Variants in ATF6 observed in about 807,000 individuals in gnomAD.
The protein encoded by ATF6 is cyclic AMP-dependent transcription factor ATF-6 alpha.
ATF6 carries 53 observed loss-of-function variants against 83.6 expected under a neutral mutation model. The observed-to-expected ratio is 0.63, with a 90% CI of 0.51 to 0.80. The LOEUF is 0.80. Among genes scored for constraint, ATF6 ranks in the 30% least tolerant of loss-of-function variants. The probability of loss-of-function intolerance (pLI) is 0.00; values close to 1 mark genes in which losing one functional copy is unlikely to be tolerated. For synonymous variants in ATF6, 288 were observed against 285.8 expected (o/e 1.01, Z -0.08); for missense variants, 744 against 797.9 (o/e 0.93, Z 0.81).
chr1:161,931,122 G>A (rs187478506), intron 15 of ATF6, among the ~76,000 whole-genome samples: 1 of 152,124 alleles, frequency 6.6e-6, no homozygotes, highest in African/African-American at 2.4e-5. Context: ...TGATCCACTC[G>A]CCTCAGCCTC....
intron 12 of ATF6, among the ~76,000 whole-genome samples, chr1:161,854,886 T>C (rs1686724320): frequency 1.3e-5 from 2 of 150,882 alleles, no homozygotes; most frequent in African/African-American, 4.9e-5. Flanking sequence ...AAAAAAAGAT[T>C]TAGGGGAAAA....
At chr1:161,835,634 G>A (rs2101806190) in intron 9 of ATF6, among the ~76,000 whole-genome samples, 1 of 152,294 alleles carries the variant, frequency 6.6e-6, no homozygotes, top group Admixed American at 6.5e-5. Context: ...CGTAAGGGAA[G>A]TTTTTATTAA....
chr1:161,781,769 T>A lies in ATF6; in HGVS notation c.160-143T>A, dbSNP rs529793738. ...CTAGGCTATCCAAGATGTATTCTCA[T>A]ACAAGACTGACTTAGAGTATTCTTT... On this transcript the variant is annotated intron_variant, in intron 2 of 15. Transcript: ENST00000367942. 47 of 567,304 alleles carry A rather than the reference T, an allele frequency of 8.3e-5. No individual in the cohort carries two copies. The South Asian group carries it at 9.9e-4, about 12-fold the overall frequency. 35.1% of individuals were successfully genotyped at this position (567,304 alleles called of 1,614,324 possible). A position where few individuals can be genotyped will look rare whatever the true frequency, so the allele number is the denominator to read the frequency against.
At chr1:161,814,908 A>C (rs564835926) in intron 7 of ATF6, among the ~76,000 whole-genome samples, 1 of 152,328 alleles carries the variant, frequency 6.6e-6, no homozygotes, top group African/African-American at 2.4e-5. Flanking sequence ...ACTGCAATAC[A>C]TATGCAATAA....
chr1:161,773,528 A>G (rs1287634382), intron 1 of ATF6, among the ~76,000 whole-genome samples: 1 of 152,122 alleles, frequency 6.6e-6, no homozygotes, highest in East Asian at 1.9e-4. Context: ...GGCCTTCCAA[A>G]GTGCTGGGAT....
At chr1:161,856,179 T>G (rs1557997848) in intron 12 of ATF6, among the ~76,000 whole-genome samples, 1 of 152,266 alleles carries the variant, frequency 6.6e-6, no homozygotes, top group Non-Finnish European at 1.5e-5. Context: ...TTAACCATTA[T>G]GGAACTGTTT....
chr1:161,932,734 G>A (rs961026517), intron 15 of ATF6, among the ~76,000 whole-genome samples: 1 of 152,188 alleles, frequency 6.6e-6, no homozygotes, highest in African/African-American at 2.4e-5. Context: ...TAGCAATGTG[G>A]TTCTGCTCTA....
intron 4 of ATF6, among the ~76,000 whole-genome samples, chr1:161,791,200 C>T (rs1243237216): frequency 6.6e-6 from 1 of 151,884 alleles, no homozygotes; most frequent in Non-Finnish European, 1.5e-5. Context: ...CATAGACTTA[C>T]TCTGCATTTT....
chr1:161,920,444 G>A (rs1302206220), intron 15 of ATF6, among the ~76,000 whole-genome samples: 2 of 151,328 alleles, frequency 1.3e-5, no homozygotes, highest in Admixed American at 6.6e-5. Context: ...ACAGGTGCCC[G>A]CCACCATGCC....
chr1:161,955,862 A>G (rs939726184), intron 15 of ATF6, among the ~76,000 whole-genome samples: 3 of 152,160 alleles, frequency 2.0e-5, no homozygotes, highest in African/African-American at 7.2e-5. Context: ...TGTTACCTTC[A>G]GAAGAAGAGT....
At chr1:161,852,791 AATT>A (rs1452976681) in intron 11 of ATF6, among the ~76,000 whole-genome samples, 6 of 151,844 alleles carry the variant, frequency 4.0e-5, no homozygotes, top group Admixed American at 2.0e-4. Context: ...TTTTTAAAAA[AATT>A]TTCTGTAGAG....
chr1:161,788,813 C>T (rs1385124418), intron 4 of ATF6, among the ~76,000 whole-genome samples: 1 of 152,000 alleles, frequency 6.6e-6, no homozygotes, highest in African/African-American at 2.4e-5. Context: ...TCTTTATAAT[C>T]ACTTGTAATC....
At chr1:161,791,629 T>G (rs946437675) in intron 5 of ATF6, 92 bp downstream of exon 5, 142 of 1,401,064 alleles carry the variant, frequency 1.0e-4, no homozygotes, top group Non-Finnish European at 1.2e-4. Context: ...AAATTTATGT[T>G]TATTAGGCTG....
chr1:161,935,688 C>T (rs1032946909), intron 15 of ATF6, among the ~76,000 whole-genome samples: 7 of 152,178 alleles, frequency 4.6e-5, no homozygotes, highest in African/African-American at 1.2e-4. Context: ...TTTGCACCAA[C>T]ATAATATTTG....
intron 9 of ATF6, among the ~76,000 whole-genome samples, chr1:161,823,263 T>C (rs1331472683): frequency 2.0e-5 from 3 of 152,140 alleles, no homozygotes; most frequent in African/African-American, 7.2e-5. Flanking sequence ...AGAATAATTA[T>C]ATCTCCCAAA....
Position 161,903,568 on chromosome 1 carries a change from A to C in ATF6, c.1720-8728A>C, listed in dbSNP as rs375160988. Among the ~76,000 whole-genome samples, 239 of 152,342 alleles carry C rather than the reference A, an allele frequency of 1.6e-3. 4 individuals carry two copies. In the South Asian group the frequency reaches 0.048, roughly 31 times the overall value. On this transcript the variant is annotated intron_variant, in intron 14 of 15. Transcript: ENST00000367942. ...TTGCATTTAACTGTTGCGTTTCCTCAGGGACTTCACTCTCCTCAAACTTTT... is the reference window on the plus strand; with the variant it reads ...TTGCATTTAACTGTTGCGTTTCCTCCGGGACTTCACTCTCCTCAAACTTTT...
intron 6 of ATF6, among the ~76,000 whole-genome samples, chr1:161,800,856 T>C (rs1394067): frequency 0.12 from 18,495 of 152,204 alleles, 1,675 homozygotes; most frequent in East Asian, 0.31. Flanking sequence ...AAGTTTTTGT[T>C]TTAGAAGTCT....
At chr1:161,778,559 G>C (rs1684572217) in intron 2 of ATF6, among the ~76,000 whole-genome samples, 1 of 152,130 alleles carries the variant, frequency 6.6e-6, no homozygotes, top group Non-Finnish European at 1.5e-5. Flanking sequence ...GGGTGACTTT[G>C]GAAAAGTCAC....
At chr1:161,863,443 G>C in intron 14 of ATF6, 131 bp downstream of exon 14, 2 of 639,918 alleles carry the variant, frequency 3.1e-6, no homozygotes, top group Non-Finnish European at 5.7e-6. Flanking sequence ...TATGTGAGTG[G>C]AACAGTCTAA....
Sources: allele counts gnomAD v4.1 joint callset (sites outside exome capture counted in the v4.1 genomes callset), GRCh38; gene constraint gnomAD v4.1.1; transcripts MANE v1.5; gene names NCBI Gene and HGNC (gene_info 2026-07-23, HGNC 2026-07-21).